Variants in CSMD1 observed in about 807,000 individuals in gnomAD.
CSMD1 encodes the protein CUB and Sushi multiple domains 1, also known as CUB and sushi domain-containing protein 1.
A neutral mutation model predicts 417.5 loss-of-function variants in CSMD1; 213 were observed. The ratio of observed to expected loss-of-function variants is 0.51; its 90% CI spans 0.46 to 0.57. The LOEUF (loss-of-function observed/expected upper bound fraction) is 0.57, where lower values mean the gene tolerates loss of function less well. CSMD1 is among the 20% of genes least tolerant of loss of function. The pLI is 0.00. For synonymous variants in CSMD1, 2,862 were observed against 1,736.8 expected (o/e 1.65, Z -16.11); for missense variants, 6,923 against 4,529.7 (o/e 1.53, Z -15.17).
chr8:3,347,620 A>T (rs1338141531), intron 22 of CSMD1, among the ~76,000 whole-genome samples: 16 of 152,220 alleles, frequency 1.1e-4, no homozygotes, highest in Admixed American at 1.0e-3. Flanking sequence ...TATGTGCTAG[A>T]CACAATGCTA....
At chr8:4,566,583 G>T (rs995581480) in intron 2 of CSMD1, among the ~76,000 whole-genome samples, 1 of 150,074 alleles carries the variant, frequency 6.7e-6, no homozygotes, top group East Asian at 2.0e-4. Flanking sequence ...AACCCAGGAG[G>T]TGGAGCTTGC....
chr8:3,067,460 G>A (rs568984072), intron 49 of CSMD1, among the ~76,000 whole-genome samples: 1 of 151,960 alleles, frequency 6.6e-6, no homozygotes, highest in African/African-American at 2.4e-5. Context: ...CATTTCAGAA[G>A]CAGAAACATT....
rs558886781 is a variant in CSMD1 at position 3,886,545 on chromosome 8, C to T, written c.818+111358G>A. 4.1e-4 allele frequency among the ~76,000 whole-genome samples: 63 copies of T among 152,336 alleles called. 2 individuals are homozygous for T. The highest frequency in any genetic ancestry group is 1.9e-3 in the South Asian group (9 of 4,826). On this transcript the variant is annotated intron_variant, in intron 5 of 69. Transcript: ENST00000635120. Reference sequence around the variant, plus strand: ...GTTTGAAAGCAGGCCATGGACAGCACTTTAATGACGAAGCGTGGCTGTGTT... The same window carrying T: ...GTTTGAAAGCAGGCCATGGACAGCATTTTAATGACGAAGCGTGGCTGTGTT...
At chr8:3,701,258 C>A (rs959473694) in intron 7 of CSMD1, among the ~76,000 whole-genome samples, 1 of 152,164 alleles carries the variant, frequency 6.6e-6, no homozygotes, top group Non-Finnish European at 1.5e-5. Flanking sequence ...GGAATTGGAT[C>A]ATCTCGGGAC....
chr8:4,468,286 C>T (rs1292127776), intron 2 of CSMD1, among the ~76,000 whole-genome samples: 1 of 152,156 alleles, frequency 6.6e-6, no homozygotes, highest in East Asian at 1.9e-4. Context: ...ACCCAAGGAA[C>T]TTGAGAAAGT....
At chr8:3,493,005 G>A (rs1027720726) in intron 11 of CSMD1, among the ~76,000 whole-genome samples, 2 of 152,112 alleles carry the variant, frequency 1.3e-5, no homozygotes, top group Non-Finnish European at 2.9e-5. Flanking sequence ...TTAAAAAAGA[G>A]GTGTTGGCTG....
intron 49 of CSMD1, among the ~76,000 whole-genome samples, chr8:3,084,007 A>T (rs1814335229): frequency 6.6e-6 from 1 of 152,106 alleles, no homozygotes. Context: ...CCTTGGAAGG[A>T]AACAAATCTT....
intron 3 of CSMD1, among the ~76,000 whole-genome samples, chr8:4,307,275 A>C (rs1319989064): frequency 6.6e-6 from 1 of 152,092 alleles, no homozygotes; most frequent in Non-Finnish European, 1.5e-5. Context: ...GGCTGTTGAT[A>C]TCTCTCACAT....
chr8:4,135,807 C>A (rs1035164649), intron 3 of CSMD1, among the ~76,000 whole-genome samples: 1 of 151,982 alleles, frequency 6.6e-6, no homozygotes, highest in Admixed American at 6.6e-5. Flanking sequence ...AGTTAATATC[C>A]ATTTTTAAAC....
chr8:2,956,994 C>T (rs1351956674), intron 63 of CSMD1, among the ~76,000 whole-genome samples: 1 of 149,490 alleles, frequency 6.7e-6, no homozygotes, highest in Non-Finnish European at 1.5e-5. Context: ...ACCTTATATA[C>T]TGAGATTTTT....
At chr8:3,032,302 G>A (rs542064871) in intron 50 of CSMD1, among the ~76,000 whole-genome samples, 1 of 151,998 alleles carries the variant, frequency 6.6e-6, no homozygotes, top group South Asian at 2.1e-4. Flanking sequence ...AATTTGGGAG[G>A]AGAAATCCCA....
intron 1 of CSMD1, among the ~76,000 whole-genome samples, chr8:4,656,877 C>T (rs2130909986): frequency 6.6e-6 from 1 of 152,142 alleles, no homozygotes; most frequent in South Asian, 2.1e-4. Flanking sequence ...CAGCAGGGGC[C>T]CCCAACATCT....
In CSMD1 at chr8:3,378,353, T is replaced by C. The variant is rs534866422; in HGVS notation, c.2783-8983A>G. Among the ~76,000 whole-genome samples, 6 of 152,262 alleles carry C rather than the reference T, an allele frequency of 3.9e-5. No homozygotes were observed. The East Asian group carries it at 1.2e-3, about 29-fold the overall frequency. On this transcript the variant is annotated intron_variant, in intron 18 of 69. Transcript: ENST00000635120. ...GAGCTGGTACCATTCCTTCTGAAAC[T>C]ATTCCAGACAATAAAAAAGAGGGAC... is the stretch of plus-strand genomic sequence containing the variant.
chr8:3,992,085 G>T (rs1368468490), intron 5 of CSMD1, among the ~76,000 whole-genome samples: 2 of 143,768 alleles, frequency 1.4e-5, no homozygotes, highest in Admixed American at 1.4e-4. Flanking sequence ...CCTTCAGCTG[G>T]TATGCAGAGT....
At chr8:4,183,981 C>T (rs975033763) in intron 3 of CSMD1, among the ~76,000 whole-genome samples, 1 of 152,060 alleles carries the variant, frequency 6.6e-6, no homozygotes, top group Non-Finnish European at 1.5e-5. Context: ...ATTCTCAGAG[C>T]CTCCGACAGT....
intron 3 of CSMD1, among the ~76,000 whole-genome samples, chr8:4,350,671 G>C (rs1801039798): frequency 6.6e-6 from 1 of 152,188 alleles, no homozygotes; most frequent in African/African-American, 2.4e-5. Context: ...CTAGAACAAA[G>C]GTGTATTTTT....
At chr8:3,797,547 G>C (rs1034676048) in intron 5 of CSMD1, among the ~76,000 whole-genome samples, 4 of 151,660 alleles carry the variant, frequency 2.6e-5, no homozygotes, top group African/African-American at 9.7e-5. Flanking sequence ...CTTAAATTTG[G>C]ATTCTGTCTC....
chr8:4,380,484 C>T (rs1421918671), intron 3 of CSMD1, among the ~76,000 whole-genome samples: 1 of 152,152 alleles, frequency 6.6e-6, no homozygotes, highest in African/African-American at 2.4e-5. Context: ...TCATCAAAGA[C>T]AAGGAAAACC....
At chr8:4,672,711 C>T (rs1419108201) in intron 1 of CSMD1, among the ~76,000 whole-genome samples, 1 of 152,170 alleles carries the variant, frequency 6.6e-6, no homozygotes, top group African/African-American at 2.4e-5. Context: ...CACACACATG[C>T]ACACATGGTG....
Sources: gnomAD v4.1 joint callset for allele counts (sites outside exome capture counted in the v4.1 genomes callset) on GRCh38, gnomAD v4.1.1 for gene constraint, MANE v1.5 for transcripts, NCBI Gene and HGNC (gene_info 2026-07-23, HGNC 2026-07-21) for gene names.